Variants in UNC13C observed in about 807,000 individuals in gnomAD.
UNC13C encodes the protein unc-13 homolog C.
UNC13C carries 174 observed loss-of-function variants against 245.4 expected under a neutral mutation model. The ratio of observed to expected loss-of-function variants is 0.71; its 90% CI spans 0.63 to 0.80. The LOEUF is 0.80. UNC13C is among the 30% of genes least tolerant of loss of function. The pLI is 0.00. For synonymous variants in UNC13C, 992 were observed against 895.1 expected, an observed-to-expected ratio of 1.11 and a Z score of -1.93; for missense variants, 2,829 against 2,602.9, an observed-to-expected ratio of 1.09 and a Z score of -1.89.
At chr15:54,045,411 C>CT (rs534686288) in intron 2 of UNC13C, among the ~76,000 whole-genome samples, 11 of 152,058 alleles carry the variant, frequency 7.2e-5, no homozygotes, top group East Asian at 3.9e-4. Flanking sequence ...GAATTTCCAT[C>CT]TTTTTTTTCC....
At chr15:54,138,201 G>T (rs181505149) in intron 2 of UNC13C, among the ~76,000 whole-genome samples, 5 of 152,214 alleles carry the variant, frequency 3.3e-5, no homozygotes, top group Non-Finnish European at 7.4e-5. Context: ...AATTTGTTAA[G>T]ATGTGTTTTG....
At chr15:54,205,449 G>A (rs1055736445) in intron 4 of UNC13C, among the ~76,000 whole-genome samples, 4 of 151,972 alleles carry the variant, frequency 2.6e-5, no homozygotes, top group African/African-American at 9.7e-5. Context: ...GTTCAAAAGT[G>A]TTAATGGTAA....
intron 4 of UNC13C, among the ~76,000 whole-genome samples, chr15:54,184,975 T>C (rs535707087): frequency 2.5e-4 from 38 of 152,302 alleles, no homozygotes; most frequent in Non-Finnish European, 3.7e-4. Flanking sequence ...TGGTGTGAGA[T>C]GGTATCTCAC....
intron 4 of UNC13C, among the ~76,000 whole-genome samples, chr15:54,189,266 C>G (rs535655159): frequency 6.6e-6 from 1 of 152,248 alleles, no homozygotes; most frequent in East Asian, 1.9e-4. Flanking sequence ...ATTCCCTGGG[C>G]AAAAGGGAGA....
intron 2 of UNC13C, among the ~76,000 whole-genome samples, chr15:54,032,839 C>G (rs936579621): frequency 9.2e-5 from 14 of 152,182 alleles, no homozygotes; most frequent in East Asian, 5.8e-4. Context: ...TTGCAGGAAT[C>G]CGGATGGGAT....
chr15:54,397,806 A>G (rs2040101870), intron 18 of UNC13C, among the ~76,000 whole-genome samples: 1 of 151,398 alleles, frequency 6.6e-6, no homozygotes. Context: ...TTAATAGTAC[A>G]TAGATATACA....
At chr15:54,598,462 C>G (rs1205971363) in intron 30 of UNC13C, among the ~76,000 whole-genome samples, 2 of 152,096 alleles carry the variant, frequency 1.3e-5, no homozygotes, top group Non-Finnish European at 2.9e-5. Context: ...TGAGTGAAAA[C>G]CTGTCCATAT....
the UNC13C span, among the ~76,000 whole-genome samples, chr15:53,943,393 G>A: frequency 7.2e-5 from 11 of 152,010 alleles, no homozygotes; most frequent in African/African-American, 1.2e-4. Flanking sequence ...CATTATTCTT[G>A]GTTCTTTGTA....
chr15:54,451,696 A>T (rs1891184712), intron 19 of UNC13C, among the ~76,000 whole-genome samples: 2 of 151,892 alleles, frequency 1.3e-5, no homozygotes, highest in Admixed American at 6.6e-5. Flanking sequence ...AGTTATCTGT[A>T]TTGTGTTGTT....
chr15:54,230,954 A>G (rs893844311), intron 4 of UNC13C, among the ~76,000 whole-genome samples: 2 of 152,062 alleles, frequency 1.3e-5, no homozygotes, highest in African/African-American at 4.8e-5. Context: ...CTTTAAAATA[A>G]TATCCATTTT....
chr15:54,009,760 T>A (rs999243488), intron 1 of UNC13C, among the ~76,000 whole-genome samples: 8 of 152,150 alleles, frequency 5.3e-5, no homozygotes, highest in Non-Finnish European at 1.0e-4. Context: ...TTGGCCAGGA[T>A]GATCTCGAAT....
At chr15:54,608,337 G>C (rs915053986) in intron 30 of UNC13C, among the ~76,000 whole-genome samples, 59 of 152,318 alleles carry the variant, frequency 3.9e-4, no homozygotes, top group African/African-American at 1.3e-3. Context: ...TGTGAAGGGA[G>C]TGTGACTATT....
intron 19 of UNC13C, among the ~76,000 whole-genome samples, chr15:54,494,230 A>AATT (rs1893849876): frequency 6.6e-6 from 1 of 152,148 alleles, no homozygotes. Context: ...CTTAAAGAAT[A>AATT]ATTTTAAAAA....
intron 19 of UNC13C, among the ~76,000 whole-genome samples, chr15:54,469,841 AGAG>A (rs1596439242): frequency 6.6e-6 from 1 of 151,556 alleles, no homozygotes; most frequent in African/African-American, 2.4e-5. Flanking sequence ...TCCTGAGATC[AGAG>A]GAGAAGTCTT....
At position 54,320,259 on chromosome 15, in the gene UNC13C, G is replaced by T. The variant is rs961863111; in HGVS notation, c.4269-1680G>T. ...CAGGAACCAAAATAAGTAGAAGCAG[G>T]GTTGAGGAAGTAGGGAAACTCCTGC... is the stretch of plus-strand genomic sequence containing the variant. On this transcript the variant is annotated intron_variant, in intron 13 of 32. Transcript: ENST00000260323. Among the ~76,000 whole-genome samples, 139 of 151,968 alleles carry T rather than the reference G, an allele frequency of 9.1e-4. 1 individual carries two copies. Among genetic ancestry groups the T allele is most frequent in the African/African-American group, 3.0e-3 (125 of 41,412 alleles).
chr15:54,175,102 A>G (rs2033560654), intron 4 of UNC13C, among the ~76,000 whole-genome samples: 1 of 152,096 alleles, frequency 6.6e-6, no homozygotes, highest in Non-Finnish European at 1.5e-5. Flanking sequence ...CTTTGGCTAC[A>G]TTCATGACTC....
chr15:54,572,587 G>A lies in UNC13C; in HGVS notation c.6106+4640G>A, dbSNP rs188417568. Among the ~76,000 whole-genome samples the A allele has an allele frequency of 3.2e-3, 491 of 151,698 alleles. 6 individuals are homozygous for A. Among genetic ancestry groups the A allele is most frequent in the African/African-American group, 0.011 (451 of 41,360 alleles). The stretch of plus-strand genomic sequence containing the variant: ...ATTATAGGTGCACGCCACCATGCCC[G>A]GCATTTTTGTATTTTTTTTAGTAGA... On this transcript the variant is annotated intron_variant, in intron 30 of 32. Transcript: ENST00000260323.
At chr15:53,985,270 C>CATGAACTCATGT (rs1207275736) in intron 1 of UNC13C, among the ~76,000 whole-genome samples, 2 of 151,854 alleles carry the variant, frequency 1.3e-5, no homozygotes, top group African/African-American at 4.8e-5. Flanking sequence ...CTGCAAAGTA[C>CATGAACTCATGT]ATGAACTCAT....
intron 19 of UNC13C, among the ~76,000 whole-genome samples, chr15:54,481,344 C>T (rs1180240659): frequency 1.3e-5 from 2 of 151,774 alleles, no homozygotes; most frequent in Non-Finnish European, 2.9e-5. Context: ...CAGGACTGGG[C>T]AGGCCAGTCC....
Sources: allele counts gnomAD v4.1 joint callset (sites outside exome capture counted in the v4.1 genomes callset), GRCh38; gene constraint gnomAD v4.1.1; transcripts MANE v1.5; gene names NCBI Gene and HGNC (gene_info 2026-07-23, HGNC 2026-07-21).